The following TTN variants were observed in gnomAD, a reference collection of about 807,000 sequenced individuals.
TTN encodes titin.
A neutral mutation model predicts 3,223.0 loss-of-function variants in TTN; 1,525 were observed. The observed-to-expected ratio is 0.47, with a 90% CI of 0.45 to 0.49. The LOEUF is 0.49. TTN is among the 20% of genes least tolerant of loss of function. The pLI is 0.00. For missense variants in TTN, 40,786 were observed against 43,424.0 expected (o/e 0.94, Z 5.40); for synonymous variants, 14,094 against 15,161.0 (o/e 0.93, Z 5.17).
At chr2:178,662,928 C>T in intron 174 of TTN, 38 bp downstream of exon 174, 1 of 1,610,536 alleles carries the variant, frequency 6.2e-7, no homozygotes. Context: ...CAGTCTTTCC[C>T]CAGGGCCCCC....
intron 208 of TTN, 52 bp from the exon 209 acceptor site, chr2:178,650,886 A>C: frequency 6.6e-7 from 1 of 1,518,402 alleles, no homozygotes; most frequent in Non-Finnish European, 9.0e-7. Flanking sequence ...AGTATATTAA[A>C]TTTATACCAC....
rs757510332 is a variant in TTN, at chr2:178,751,743, T to G, written c.11311+1381A>C. 21 of 1,613,128 alleles carry G rather than the reference T, an allele frequency of 1.3e-5. No individual in the cohort carries two copies. The highest frequency in any genetic ancestry group is 1.8e-5 in the Non-Finnish European group (21 of 1,179,466). On this transcript the variant is annotated intron_variant, in intron 47 of 362. Transcript: ENST00000589042. ...TGATGGTGTAAATCACTCTCAGCTT[T>G]TATAATCCGACGAAGACCTGTTGGG...
chr2:178,629,461 AAC>A lies in TTN; in HGVS notation c.44282-20_44282-19del. 1 of 1,612,520 alleles carries A rather than the reference AAC, an allele frequency of 6.2e-7. No homozygotes were observed. The highest frequency in any genetic ancestry group is 8.5e-7 in the Non-Finnish European group (1 of 1,179,050). Reference sequence around the variant, plus strand: ...TACTCGTGCTTTTCGAGAGGGAAGAAACAGCTTTGCGTTACTCATTTTGTAAT... The same window carrying A: ...TACTCGTGCTTTTCGAGAGGGAAGAAAGCTTTGCGTTACTCATTTTGTAAT... On this transcript the variant is annotated intron_variant, in intron 239 of 362. Transcript: ENST00000589042.
Position 178,547,857 on chromosome 2 carries a change from T to A in TTN, c.93769A>T (p.Lys31257Ter). 6.2e-7 allele frequency: 1 copy of A among 1,613,938 alleles called. No individual in the cohort carries two copies. Among genetic ancestry groups the A allele is most frequent in the Non-Finnish European group, 8.5e-7 (1 of 1,179,844 alleles). ...VTWKLEEMRLKETDRVSITTT... is the reference protein window; with the variant it reads ...VTWKLEEMRL The stretch of plus-strand genomic sequence containing the variant: ...GTAATGCTCACTCGATCTGTCTCTT[T>A]AAGTCTCATTTCTTCCAGTTTCCAT... Residue 31257 changes from lysine to a stop codon, truncating the protein, a stop_gained, in exon 339 of 363, where the codon AAA becomes TAA. Coordinates refer to ENST00000589042, the MANE Select transcript of TTN (RefSeq NM_001267550.2). LOFTEE classifies it high-confidence loss of function.
chr2:178,637,804 G>A (rs1305933448), intron 223 of TTN, among the ~76,000 whole-genome samples: 1 of 152,010 alleles, frequency 6.6e-6, no homozygotes, highest in African/African-American at 2.4e-5. Context: ...AATCAGTGTA[G>A]GGAAAAGGGA....
intron 213 of TTN, among the ~76,000 whole-genome samples, chr2:178,648,873 G>GTCCT (rs1332727436): frequency 6.6e-6 from 1 of 152,104 alleles, no homozygotes; most frequent in Admixed American, 6.6e-5. Flanking sequence ...CTGTATTAGA[G>GTCCT]TCCTGTTATC....
rs144127396 is a variant in TTN at position 178,748,286 on chromosome 2, C to T, written c.11311+4838G>A. ...GTCTAAGTTTTGTTCCTGTACATGT[C>T]GGACTTCTTTTTCTAAAGAAATGGA... is the stretch of plus-strand genomic sequence containing the variant. On this transcript the variant is annotated intron_variant, in intron 47 of 362. Coordinates refer to ENST00000589042, the MANE Select transcript of TTN (RefSeq NM_001267550.2). 2.4e-5 allele frequency: 39 copies of T among 1,612,650 alleles called. 1 individual carries two copies. Among genetic ancestry groups the T allele is most frequent in the Middle Eastern group, 3.3e-4 (2 of 6,074 alleles).
intron 47 of TTN, chr2:178,747,501 A>G (rs1340313111): frequency 6.2e-7 from 1 of 1,613,266 alleles, no homozygotes. Context: ...GAAATGTCAG[A>G]CTCAGGAGAA....
intron 129 of TTN, 117 bp downstream of exon 129, chr2:178,685,136 C>A: frequency 8.5e-7 from 1 of 1,174,898 alleles, no homozygotes; most frequent in Non-Finnish European, 1.2e-6. Flanking sequence ...TACATGTGTT[C>A]TGACAAAACG....
chr2:178,727,132 G>T lies in TTN; in HGVS notation c.20233C>A (p.Pro6745Thr). 1 of 1,599,944 alleles carries T rather than the reference G, an allele frequency of 6.3e-7. No individual in the cohort carries two copies. The highest frequency in any genetic ancestry group is 8.5e-7 in the Non-Finnish European group (1 of 1,171,054). ...SGDFICEAQN[P>T]AGSTSCSTKV... is the part of the protein sequence containing the mutation. ...GTACTGCAGCTTGTGCTGCCAGCGG[G>T]ATTCTGAGCCTCACAAATGAAATCT... Residue 6745 changes from proline (P) to threonine (T), a missense_variant, in exon 69 of 363, where the codon CCC (proline) becomes ACC (threonine). Pro to Thr is a conservative substitution (Grantham distance 38). Coordinates refer to ENST00000589042, the MANE Select transcript of TTN (RefSeq NM_001267550.2).
chr2:178,594,017 A>T lies in TTN; in HGVS notation c.58376T>A (p.Val19459Glu). The T allele has an allele frequency of 6.2e-7, 1 of 1,613,602 alleles. No homozygotes were observed. Among genetic ancestry groups the T allele is most frequent in the South Asian group, 1.1e-5 (1 of 91,072 alleles). ...AKRSDSGKYC[V>E]VVENSTGSRK... Reference sequence around the variant, plus strand: ...AGAGCCTGTACTGTTCTCCACAACCACACAGTATTTGCCGGAATCTGAACG... The same window carrying T: ...AGAGCCTGTACTGTTCTCCACAACCTCACAGTATTTGCCGGAATCTGAACG... Residue 19459 changes from valine to glutamate, a missense_variant, in exon 297 of 363, where the codon GTG (valine) becomes GAG (glutamate). Transcript: ENST00000589042.
chr2:178,764,874 A>C (rs2090081298), intron 41 of TTN, 63 bp from the exon 42 acceptor site: 1 of 1,589,770 alleles, frequency 6.3e-7, no homozygotes, highest in Non-Finnish European at 8.6e-7. Context: ...AGCATGCAAA[A>C]CTCTACATTA....
Position 178,580,608 on chromosome 2 carries a change from A to G in TTN, c.66771T>C (p.Ile22257=). The change falls in exon 317 of 363, where the codon ATT becomes ATC. Residue 22257 remains isoleucine (I), a splice_region_variant and synonymous_variant. Transcript: ENST00000589042. ...CCGCATCAAGTTCTCCCTCAGGTGG[A>G]ACTGTTTAATTTTGGGTGAAGAAGT... ...PDKHYPKDIL[I]PPEGELDADL... The G allele has an allele frequency of 6.2e-7, 1 of 1,601,874 alleles. No individual in the cohort carries two copies. The highest frequency in any genetic ancestry group is 8.5e-7 in the Non-Finnish European group (1 of 1,176,780).
At position 178,780,180 on chromosome 2, in the gene TTN, G is replaced by C. The variant is rs764819788; in HGVS notation, c.3549C>G (p.Ser1183=). Residue 1183 remains serine (S), a synonymous_variant, in exon 22 of 363, where the codon TCC becomes TCG. Transcript: ENST00000589042. ...GTGTCTGATAAAGCATTTCTTGCTG[G>C]GACTTCATCAGTAACTCATAATCAG... ...EEADYELLMK[S]QQEMLYQTQV... 6.2e-7 allele frequency: 1 copy of C among 1,613,724 alleles called. No homozygotes were observed. The highest frequency in any genetic ancestry group is 8.5e-7 in the Non-Finnish European group (1 of 1,179,800).
rs867308852 is a variant in TTN at position 178,802,302 on chromosome 2, T to C, written c.131A>G (p.Gln44Arg). ...VPEVSWFRDG[Q>R]VISTSTLPGV... ...GGGCAGAGTGGAAGTGGAAATCACC[T>C]GGCCATCCCTAAACCAGCTCACCTC... The change falls in exon 3 of 363, where the codon CAG (glutamine) becomes CGG (arginine). Residue 44 changes from glutamine to arginine, a missense_variant. Gln to Arg is a conservative substitution (Grantham distance 43). Transcript: ENST00000589042. 2.5e-6 allele frequency: 4 copies of C among 1,614,010 alleles called. No individual in the cohort carries two copies. The highest frequency in any genetic ancestry group is 1.3e-5 in the African/African-American group (1 of 74,918).
In TTN at chr2:178,774,243, C is replaced by T. The variant is rs781736462; in HGVS notation, c.7021G>A (p.Asp2341Asn). 7.4e-6 allele frequency: 12 copies of T among 1,613,934 alleles called. 1 individual carries two copies. The highest frequency in any genetic ancestry group is 3.3e-5 in the Admixed American group (2 of 59,984). ...EDQGEYSFVI[D>N]GKKTTCKLKM... ...AATTTACAGGTTGTCTTTTTCCCGT[C>T]GATGACAAAGCTGTATTCTCCCTGG... The change falls in exon 30 of 363, where the codon GAC becomes AAC. Residue 2341 changes from aspartate (D) to asparagine (N), a missense_variant. Transcript: ENST00000589042.
In TTN at chr2:178,588,590, T is replaced by G; in HGVS notation, c.63135A>C (p.Gly21045=). The G allele has an allele frequency of 6.4e-7, 1 of 1,558,284 alleles. No homozygotes were observed. Among genetic ancestry groups the G allele is most frequent in the Non-Finnish European group, 8.7e-7 (1 of 1,154,096 alleles). ...TTGAAGGCAAGCTTGGTTCTCCAAT[T>G]CCAATTTCATTTTCTGCCTTGACAC... The part of the protein sequence containing the change: ...QFRVKAENEI[G]IGEPSLPSRP... The change falls in exon 304 of 363, where the codon GGA becomes GGC. Residue 21045 remains glycine, a synonymous_variant. Transcript: ENST00000589042.
intron 131 of TTN, 73 bp from the exon 132 acceptor site, chr2:178,684,486 G>A: frequency 6.7e-7 from 1 of 1,494,784 alleles, no homozygotes; most frequent in Non-Finnish European, 9.2e-7. Context: ...AGAAAGTACT[G>A]TGATTTTAGA....
At position 178,570,240 on chromosome 2, in the gene TTN, C is replaced by G; in HGVS notation, c.75892G>C (p.Ala25298Pro). The change falls in exon 326 of 363, where the codon GCC becomes CCC. Residue 25298 changes from alanine (A) to proline (P), a missense_variant. Ala to Pro is a conservative substitution (Grantham distance 27). Coordinates refer to ENST00000589042, the MANE Select transcript of TTN (RefSeq NM_001267550.2). ...GEPLESEPVVAKNPFVVPDAP... is the reference protein window; with the variant it reads ...GEPLESEPVVPKNPFVVPDAP... The stretch of plus-strand genomic sequence containing the variant: ...TCTGGTACTACAAATGGATTCTTGG[C>G]AACTACTGGCTCAGATTCAAGAGGT... 6.2e-7 allele frequency: 1 copy of G among 1,613,420 alleles called. No homozygotes were observed. The highest frequency in any genetic ancestry group is 1.3e-5 in the African/African-American group (1 of 74,992).
Sources: allele counts gnomAD v4.1 joint callset (sites outside exome capture counted in the v4.1 genomes callset), GRCh38; gene constraint gnomAD v4.1.1; transcripts MANE v1.5; gene names NCBI Gene and HGNC (gene_info 2026-07-23, HGNC 2026-07-21).